Variants in MAP4K4 observed in about 807,000 individuals in gnomAD.
The protein encoded by MAP4K4 is mitogen-activated protein kinase kinase kinase kinase 4.
Under a neutral mutation model 189.6 loss-of-function variants are expected in MAP4K4, and 38 were observed. That is an observed-to-expected ratio of 0.20 (90% CI 0.15 to 0.26). The LOEUF is 0.26. Ranked by LOEUF, MAP4K4 falls within the 10% of genes least tolerant of loss-of-function variation. MAP4K4 has a pLI of 1.00. For synonymous variants in MAP4K4, 610 were observed against 624.3 expected (o/e 0.98, Z 0.34); for missense variants, 1,054 against 1,726.9 (o/e 0.61, Z 6.91).
chr2:101,711,852 G>A (rs2045736974), intron 2 of MAP4K4, among the ~76,000 whole-genome samples: 1 of 151,848 alleles, frequency 6.6e-6, no homozygotes, highest in African/African-American at 2.4e-5. Flanking sequence ...TATGAAAAAA[G>A]CAACTTAAAT....
chr2:101,740,165 T>TGC (rs1283149313), intron 2 of MAP4K4, among the ~76,000 whole-genome samples: 10 of 98,682 alleles, frequency 1.0e-4, no homozygotes, highest in African/African-American at 6.7e-4. Flanking sequence ...TTTTTTTTTT[T>TGC]TTTTTTGAGA....
chr2:101,748,122 C>T (rs544375181), intron 2 of MAP4K4, among the ~76,000 whole-genome samples: 1 of 152,276 alleles, frequency 6.6e-6, no homozygotes, highest in East Asian at 1.9e-4. Context: ...TGTAAAACAG[C>T]ATGTTAGTAT....
At chr2:101,778,330 A>G (rs1272448139) in intron 2 of MAP4K4, among the ~76,000 whole-genome samples, 1 of 152,216 alleles carries the variant, frequency 6.6e-6, no homozygotes, top group Admixed American at 6.5e-5. Context: ...TGTCCAGCAC[A>G]GTGTGCGGGG....
chr2:101,805,034 A>G (rs1275515292), intron 3 of MAP4K4, among the ~76,000 whole-genome samples: 3 of 144,768 alleles, frequency 2.1e-5, no homozygotes, highest in East Asian at 4.1e-4. Context: ...AGATCGCACC[A>G]TGCACTCCAG....
At chr2:101,878,742 C>T (rs1288002138) in intron 27 of MAP4K4, among the ~76,000 whole-genome samples, 2 of 152,134 alleles carry the variant, frequency 1.3e-5, no homozygotes, top group African/African-American at 4.8e-5. Context: ...CCACTACTTA[C>T]AGTCACTTAT....
At chr2:101,729,099 A>AGTGTGTGTGTGTGTGT (rs1446413696) in intron 2 of MAP4K4, among the ~76,000 whole-genome samples, 4 of 56,696 alleles carry the variant, frequency 7.1e-5, no homozygotes, top group Non-Finnish European at 1.3e-4. Context: ...AGAGAGAGAG[A>AGTGTGTGTGTGTGTGT]GAGTGTGTGT....
chr2:101,807,631 A>C (rs554337756), intron 3 of MAP4K4, among the ~76,000 whole-genome samples: 2 of 152,342 alleles, frequency 1.3e-5, no homozygotes, highest in African/African-American at 4.8e-5. Context: ...TAATTGACTC[A>C]TGGTTCTACA....
chr2:101,762,403 T>A (rs1169333626), intron 2 of MAP4K4, among the ~76,000 whole-genome samples: 1 of 152,112 alleles, frequency 6.6e-6, no homozygotes, highest in Admixed American at 6.5e-5. Context: ...GCAGTGAAGA[T>A]TTTTCCTTGC....
At chr2:101,854,725 C>T (rs2097394837) in intron 12 of MAP4K4, among the ~76,000 whole-genome samples, 1 of 152,110 alleles carries the variant, frequency 6.6e-6, no homozygotes, top group African/African-American at 2.4e-5. Context: ...ATAAATATGT[C>T]TAACATCCCT....
chr2:101,842,857 T>C (rs2096962526), intron 11 of MAP4K4, among the ~76,000 whole-genome samples, 176 bp downstream of exon 11: 1 of 152,240 alleles, frequency 6.6e-6, no homozygotes, highest in East Asian at 1.9e-4. Context: ...TTTTCTTCCC[T>C]GGATCCTCTT....
chr2:101,863,278 T>C (rs540770201), intron 16 of MAP4K4, among the ~76,000 whole-genome samples: 35 of 152,330 alleles, frequency 2.3e-4, no homozygotes, highest in Middle Eastern at 3.4e-3. Context: ...ATTTGAAAAA[T>C]TAGCTGTTCT....
intron 2 of MAP4K4, among the ~76,000 whole-genome samples, chr2:101,766,086 C>T (rs376348194): frequency 6.6e-6 from 1 of 152,206 alleles, no homozygotes; most frequent in Admixed American, 6.5e-5. Flanking sequence ...GTTTTACCTT[C>T]ACCAAAGTTA....
rs1003687873 is a variant in MAP4K4, at chr2:101,851,399, C to T, written c.1234-4578C>T. Among the ~76,000 whole-genome samples, 4 of 151,906 alleles carry T rather than the reference C, an allele frequency of 2.6e-5. No individual in the cohort carries two copies. The South Asian group carries it at 6.2e-4, about 24-fold the overall frequency. On this transcript the variant is annotated intron_variant, in intron 12 of 32. Coordinates refer to ENST00000324219, the Ensembl canonical transcript of MAP4K4. Reference sequence around the variant, plus strand: ...TGAAGAAGCATGTTCATTAAAATTCCCTGGGCTTTGTTATTTGCAATCATA... The same window carrying T: ...TGAAGAAGCATGTTCATTAAAATTCTCTGGGCTTTGTTATTTGCAATCATA...
At chr2:101,798,143 G>A (rs1575727993) in intron 3 of MAP4K4, among the ~76,000 whole-genome samples, 2 of 151,290 alleles carry the variant, frequency 1.3e-5, no homozygotes, top group African/African-American at 4.9e-5. Flanking sequence ...AAACTCCTGG[G>A]CCCAAGCAAT....
chr2:101,700,780 TG>T (rs1440595015), intron 2 of MAP4K4, among the ~76,000 whole-genome samples: 4 of 140,694 alleles, frequency 2.8e-5, no homozygotes, highest in Non-Finnish European at 4.8e-5. Flanking sequence ...CAGTAAAATG[TG>T]TTTTTTTTTT....
At chr2:101,698,350 G>C in intron 1 of MAP4K4, 123 bp from the exon 2 acceptor site, 4 of 981,730 alleles carry the variant, frequency 4.1e-6, no homozygotes, top group Non-Finnish European at 6.4e-6. Flanking sequence ...CCGGGCGCTG[G>C]GGGACCGCGC....
At chr2:101,887,641 T>A in intron 30 of MAP4K4, 137 bp from the exon 31 acceptor site, 4 of 635,054 alleles carry the variant, frequency 6.3e-6, no homozygotes, top group Non-Finnish European at 1.1e-5. Context: ...ATGACTATTC[T>A]AAAATGTTAA....
intron 3 of MAP4K4, among the ~76,000 whole-genome samples, chr2:101,792,569 C>A (rs1489959261): frequency 6.7e-6 from 1 of 149,830 alleles, no homozygotes; most frequent in African/African-American, 2.5e-5. Flanking sequence ...AAGTTAAATC[C>A]TTATACTTAC....
intron 12 of MAP4K4, among the ~76,000 whole-genome samples, chr2:101,844,610 GTTTTGTGAAGTCT>G (rs1406232540): frequency 6.6e-6 from 1 of 152,216 alleles, no homozygotes; most frequent in Non-Finnish European, 1.5e-5. Flanking sequence ...CATCAGACCA[GTTTTGTGAAGTCT>G]TTTTGCATTA....
Sources: allele counts gnomAD v4.1 joint callset (sites outside exome capture counted in the v4.1 genomes callset), GRCh38; gene constraint gnomAD v4.1.1; transcripts MANE v1.5; gene names NCBI Gene and HGNC (gene_info 2026-07-23, HGNC 2026-07-21).